RAC2: variants seen among roughly 807,000 people sequenced by gnomAD.
The protein encoded by RAC2 is ras-related C3 botulinum toxin substrate 2.
A neutral mutation model predicts 24.0 loss-of-function variants in RAC2; 1 was observed. The observed-to-expected ratio is 0.04, with a 90% confidence interval of 0.01 to 0.20. The LOEUF is 0.20. Among genes scored for constraint, RAC2 ranks in the 10% least tolerant of loss-of-function variants. The pLI, the probability that RAC2 is intolerant of heterozygous loss-of-function variation, is 1.00. For synonymous variants in RAC2, 114 were observed against 106.8 expected (o/e 1.07, Z -0.41); for missense variants, 130 against 259.1 (o/e 0.50, Z 3.42).
At chr22:37,240,887 T>C (rs1210985480) in intron 2 of RAC2, 4 of 629,828 alleles carry the variant, frequency 6.4e-6, no homozygotes, top group Non-Finnish European at 1.2e-5. Context: ...AGGGAGCTTG[T>C]GGCGAACAGT....
At chr22:37,239,591 C>T (rs546901775) in intron 2 of RAC2, among the ~76,000 whole-genome samples, 128 of 152,322 alleles carry the variant, frequency 8.4e-4, no homozygotes, top group African/African-American at 3.0e-3. Context: ...TCCATCTCAA[C>T]GTACAAGGGA....
rs563922478 is a variant in RAC2, at chr22:37,232,078, G to T, written c.226-84C>A. The T allele has an allele frequency of 2.2e-4, 312 of 1,406,298 alleles. No homozygotes were observed. In the African/African-American group the frequency reaches 3.5e-3, roughly 16 times the overall value. The allele number at this position is 1,406,298 out of a possible 1,614,324, so 87.1% of individuals were successfully genotyped here. ...CAGCCACCGAGAGGTGGAGCTTGGG[G>T]CTCCCTGAGGGTGGAACACCCCAGG... On this transcript the variant is annotated intron_variant, in intron 3 of 6. Coordinates refer to ENST00000249071, the MANE Select transcript of RAC2 (RefSeq NM_002872.5).
Position 37,231,472 on chromosome 22 carries a change from G to A in RAC2, c.289-82C>T. On this transcript the variant is annotated intron_variant, in intron 4 of 6. Transcript: ENST00000249071. This position sits in a 1 kb window ranked among gnomAD's most constrained non-coding sequence, Gnocchi z 5.5. Reference sequence around the variant, plus strand: ...TGTGCGGGGATCAGAGGGAGTGTGAGGGTGTAGGGAGAGGAGAGGCAGCAA... The same window carrying A: ...TGTGCGGGGATCAGAGGGAGTGTGAAGGTGTAGGGAGAGGAGAGGCAGCAA... The A allele has an allele frequency of 7.2e-7, 1 of 1,381,174 alleles. No individual in the cohort carries two copies. Among genetic ancestry groups the A allele is most frequent in the South Asian group, 1.2e-5 (1 of 85,832 alleles). The allele number at this position is 1,381,174 out of a possible 1,614,324, so 85.6% of individuals were successfully genotyped here.
chr22:37,226,771 T>C lies in RAC2; in HGVS notation c.481A>G (p.Thr161Ala). Reference sequence around the variant, plus strand: ...AACACGGTTTTCAGGCCTCTCTGGGTGAGAGCTGAGCACTCCAGGTATTTC... The same window carrying C: ...AACACGGTTTTCAGGCCTCTCTGGGCGAGAGCTGAGCACTCCAGGTATTTC... ...SVKYLECSAL[T>A]QRGLKTVFDE... Residue 161 changes from threonine (T) to alanine (A), a missense_variant, in exon 6 of 7, where the codon ACC becomes GCC. Around this residue, in one of 2 missense-constraint regions of RAC2, gnomAD observed 119 missense variants for 192.1 expected, o/e 0.62. Coordinates refer to ENST00000249071, the MANE Select transcript of RAC2 (RefSeq NM_002872.5). 6.2e-7 allele frequency: 1 copy of C among 1,612,824 alleles called. No homozygotes were observed. Among genetic ancestry groups the C allele is most frequent in the Non-Finnish European group, 8.5e-7 (1 of 1,179,486 alleles).
At chr22:37,233,068 CTTTA>C (rs1927119417) in intron 2 of RAC2, 150 bp from the exon 3 acceptor site, 2 of 689,286 alleles carry the variant, frequency 2.9e-6, no homozygotes, top group Non-Finnish European at 5.3e-6. Context: ...AATTGGGTTT[CTTTA>C]TTTGTTTCAT....
At chr22:37,229,131 TG>T (rs1291197753) in intron 5 of RAC2, among the ~76,000 whole-genome samples, 3 of 152,226 alleles carry the variant, frequency 2.0e-5, no homozygotes, top group Non-Finnish European at 2.9e-5. Flanking sequence ...GGTCCTGAGC[TG>T]GGGGGCCAGG....
At chr22:37,241,991 G>A (rs543420392) in intron 1 of RAC2, among the ~76,000 whole-genome samples, 5 of 152,202 alleles carry the variant, frequency 3.3e-5, no homozygotes, top group African/African-American at 1.2e-4. Context: ...GCAATGCCGA[G>A]GGGCCCCCGA....
intron 2 of RAC2, among the ~76,000 whole-genome samples, chr22:37,239,386 A>G (rs1927325259): frequency 6.6e-6 from 1 of 152,346 alleles, no homozygotes; most frequent in South Asian, 2.1e-4. Context: ...GGCCACACGC[A>G]TAGAGCTGGC....
At position 37,244,231 on chromosome 22, in the gene RAC2, T is replaced by A. The variant is rs1601679128; in HGVS notation, c.-83A>T. On this transcript the variant is annotated 5_prime_UTR_variant, in exon 1 of 7. Coordinates refer to ENST00000249071, the MANE Select transcript of RAC2 (RefSeq NM_002872.5). ...CGGGCGCAAGGGGTGTGGAGGCTGGTGAGGCGCCTGCTGAGGAGCAGCGGT... is the reference window on the plus strand; with the variant it reads ...CGGGCGCAAGGGGTGTGGAGGCTGGAGAGGCGCCTGCTGAGGAGCAGCGGT... 1 of 1,505,142 alleles carries A rather than the reference T, an allele frequency of 6.6e-7. No individual in the cohort carries two copies. The highest frequency in any genetic ancestry group is 1.4e-5 in the African/African-American group (1 of 72,320). 93.2% of individuals were successfully genotyped at this position (1,505,142 alleles called of 1,614,324 possible). A position where few individuals can be genotyped will look rare whatever the true frequency, so the allele number is the denominator to read the frequency against.
At chr22:37,230,979 C>A (rs56409124) in intron 5 of RAC2, among the ~76,000 whole-genome samples, 3,018 of 152,336 alleles carry the variant, frequency 0.02, 55 homozygotes, top group Admixed American at 0.033. Context: ...GGCAGCTCCA[C>A]CTGGAATAAG....
intron 5 of RAC2, among the ~76,000 whole-genome samples, chr22:37,228,788 G>A (rs1216763907): frequency 6.6e-6 from 1 of 152,230 alleles, no homozygotes; most frequent in African/African-American, 2.4e-5. Context: ...GCCAGGTGCT[G>A]GGGAGAAAGG....
intron 2 of RAC2, chr22:37,240,807 G>A: frequency 1.8e-6 from 1 of 563,800 alleles, no homozygotes; most frequent in Non-Finnish European, 3.2e-6. Flanking sequence ...TTAGACAGGT[G>A]GATGTGGGGA....
At position 37,241,268 on chromosome 22, in the gene RAC2, C is replaced by A. The variant is rs115719337; in HGVS notation, c.107+319G>T. The A allele has an allele frequency of 2.4e-4, 166 of 698,202 alleles. No individual in the cohort carries two copies. In the African/African-American group the frequency reaches 2.6e-3, roughly 11 times the overall value. 43.3% of individuals were successfully genotyped at this position (698,202 alleles called of 1,614,324 possible). ...ATCACCTCCTCCAGCAGCCTGCTTC[C>A]GCAGAAGCTCCTCTCCCAGCTCCTG... On this transcript the variant is annotated intron_variant, in intron 2 of 6. Coordinates refer to ENST00000249071, the MANE Select transcript of RAC2 (RefSeq NM_002872.5).
chr22:37,243,167 A>T (rs1195754830), intron 1 of RAC2, among the ~76,000 whole-genome samples: 1 of 152,146 alleles, frequency 6.6e-6, no homozygotes, highest in African/African-American at 2.4e-5. Context: ...CTCCTGGCTT[A>T]AAAAAATTTT....
chr22:37,236,567 G>T (rs545745434), intron 2 of RAC2, among the ~76,000 whole-genome samples: 1 of 152,344 alleles, frequency 6.6e-6, no homozygotes, highest in African/African-American at 2.4e-5. Flanking sequence ...GCTGGAAATG[G>T]AGTTGGAGAG....
At position 37,231,793 on chromosome 22, in the gene RAC2, CA is replaced by C; in HGVS notation, c.288+138del. 9.9e-7 allele frequency: 1 copy of C among 1,014,022 alleles called. No homozygotes were observed. The allele number at this position is 1,014,022 out of a possible 1,614,324, so 62.8% of individuals were successfully genotyped here. On this transcript the variant is annotated intron_variant, in intron 4 of 6. Transcript: ENST00000249071. The surrounding 1 kb of genome is among the most constrained non-coding windows in gnomAD (Gnocchi z 5.5). ...ATCTTACCCCCTCAAGTCCCTCTGC[CA>C]GCCCTGGTTGGCACTGGGGACCCTC...
rs778676823 is a variant in RAC2 at position 37,228,733 on chromosome 22, G to A, written c.449-1930C>T. 1.3e-3 allele frequency among the ~76,000 whole-genome samples: 203 copies of A among 152,172 alleles called. 2 individuals carry two copies. The highest frequency in any genetic ancestry group is 1.6e-3 in the Non-Finnish European group (107 of 68,020). On this transcript the variant is annotated intron_variant, in intron 5 of 6. Transcript: ENST00000249071. ...AGGCACAGAGCTGGGGGGAGAAGTCGGGATGGCAGGAGGGGCAGCCCCTGG... is the reference window on the plus strand; with the variant it reads ...AGGCACAGAGCTGGGGGGAGAAGTCAGGATGGCAGGAGGGGCAGCCCCTGG...
In RAC2 at chr22:37,231,290, T is replaced by C; in HGVS notation, c.389A>G (p.Lys130Arg). The C allele has an allele frequency of 6.2e-7, 1 of 1,613,866 alleles. No homozygotes were observed. Among genetic ancestry groups the C allele is most frequent in the South Asian group, 1.1e-5 (1 of 91,068 alleles). The change falls in exon 5 of 7, where the codon AAG becomes AGG. Residue 130 changes from lysine (K) to arginine (R), a missense_variant. By Grantham distance (26) the Lys-to-Arg change is conservative. Coordinates refer to ENST00000249071, the MANE Select transcript of RAC2 (RefSeq NM_002872.5). The surrounding 1 kb of genome is among the most constrained non-coding windows in gnomAD (Gnocchi z 5.5). ...GGTGATGGGAGCCAGCTTCTTCTCCTTCAGTTTCTCGATGGTGTCCTTGTC... is the reference window on the plus strand; with the variant it reads ...GGTGATGGGAGCCAGCTTCTTCTCCCTCAGTTTCTCGATGGTGTCCTTGTC... ...RDDKDTIEKLKEKKLAPITYP... is the reference protein window; with the variant it reads ...RDDKDTIEKLREKKLAPITYP...
intron 5 of RAC2, among the ~76,000 whole-genome samples, chr22:37,228,235 G>A (rs998869996): frequency 1.3e-5 from 2 of 152,214 alleles, no homozygotes; most frequent in African/African-American, 4.8e-5. Flanking sequence ...GGCCTTCTGG[G>A]AGGAGTGGCA....
Sources: allele counts gnomAD v4.1 joint callset (sites outside exome capture counted in the v4.1 genomes callset), GRCh38; gene constraint gnomAD v4.1.1; regional missense constraint gnomAD v4.1.1; non-coding constraint Gnocchi (gnomAD v3.1); transcripts MANE v1.5; gene names NCBI Gene and HGNC (gene_info 2026-07-23, HGNC 2026-07-21).